DNM3: variants seen among roughly 807,000 people sequenced by gnomAD.
DNM3 encodes dynamin-3.
DNM3 carries 47 observed loss-of-function variants against 101.6 expected under a neutral mutation model. That is an observed-to-expected ratio of 0.46 (90% CI 0.37 to 0.59). The LOEUF is 0.59. Among genes scored for constraint, DNM3 ranks in the 20% least tolerant of loss-of-function variants. The pLI, the probability that DNM3 is intolerant of heterozygous loss-of-function variation, is 0.00. For synonymous variants in DNM3, 385 were observed against 387.9 expected (o/e 0.99, Z 0.09); for missense variants, 849 against 1,085.7 (o/e 0.78, Z 3.06).
intron 17 of DNM3, among the ~76,000 whole-genome samples, chr1:172,361,260 C>T (rs570381297): frequency 7.9e-5 from 12 of 151,950 alleles, no homozygotes; most frequent in South Asian, 2.1e-4. Flanking sequence ...TCTCCTTTCC[C>T]GTTCAACCAT....
At chr1:172,413,525 C>A (rs2071323215), downstream of DNM3, among the ~76,000 whole-genome samples, 1 of 152,138 alleles carries the variant, frequency 6.6e-6, no homozygotes, top group African/African-American at 2.4e-5. Flanking sequence ...CCGCACCCGG[C>A]CCAGTTTCCC....
intron 10 of DNM3, among the ~76,000 whole-genome samples, chr1:172,064,839 G>A (rs1010696675): frequency 6.6e-6 from 1 of 152,080 alleles, no homozygotes; most frequent in African/African-American, 2.4e-5. Flanking sequence ...TCTCTTCAAG[G>A]TTTTTCCTCC....
At chr1:172,164,696 G>A (rs1319991785) in intron 14 of DNM3, among the ~76,000 whole-genome samples, 1 of 152,000 alleles carries the variant, frequency 6.6e-6, no homozygotes, top group Non-Finnish European at 1.5e-5. Context: ...AAACCAGAGG[G>A]ACAGCTATGC....
At position 172,008,851 on chromosome 1, in the gene DNM3, T is replaced by A. The variant is rs1383647437; in HGVS notation, c.589+19703T>A. Among the ~76,000 whole-genome samples, 4 of 139,128 alleles carry A rather than the reference T, an allele frequency of 2.9e-5. No homozygotes were observed. In the Admixed American group the frequency reaches 3.1e-4, roughly 11 times the overall value. The allele number at this position is 139,128 out of a possible 152,430, so 91.3% of individuals were successfully genotyped here. A position where few individuals can be genotyped will look rare whatever the true frequency, so the allele number is the denominator to read the frequency against. ...TTATATAATATATATTAATATATTA[T>A]ATTATATTACTATATAAATAATATT... On this transcript the variant is annotated intron_variant, in intron 4 of 20. Coordinates refer to ENST00000627582, the MANE Select transcript of DNM3 (RefSeq NM_015569.5).
At chr1:171,946,895 T>C (rs1394121842) in intron 2 of DNM3, among the ~76,000 whole-genome samples, 1 of 152,196 alleles carries the variant, frequency 6.6e-6, no homozygotes, top group Non-Finnish European at 1.5e-5. Flanking sequence ...TGGGAACTGA[T>C]ACAGCGAGAA....
At chr1:172,285,573 G>C (rs1056418516) in intron 15 of DNM3, among the ~76,000 whole-genome samples, 7 of 152,142 alleles carry the variant, frequency 4.6e-5, no homozygotes, top group African/African-American at 1.7e-4. Context: ...GCCTCAGACA[G>C]AGCAGTAGTA....
chr1:172,198,011 T>G (rs1572918792), intron 14 of DNM3, among the ~76,000 whole-genome samples: 1 of 152,146 alleles, frequency 6.6e-6, no homozygotes, highest in East Asian at 1.9e-4. Flanking sequence ...TGCTTCCAAC[T>G]TTTTCCCATT....
rs572890850 is a variant in DNM3 at position 172,081,430 on chromosome 1, A to T, written c.1423-402A>T. On this transcript the variant is annotated intron_variant, in intron 11 of 20. Transcript: ENST00000627582. ...TGAATTACTAATTTGTGGCTAATATATGATGTCTACAGGAACAGTAAGCTC... is the reference window on the plus strand; with the variant it reads ...TGAATTACTAATTTGTGGCTAATATTTGATGTCTACAGGAACAGTAAGCTC... 5.3e-5 allele frequency among the ~76,000 whole-genome samples: 8 copies of T among 152,340 alleles called. No individual in the cohort carries two copies. In the South Asian group the frequency reaches 1.7e-3, roughly 32 times the overall value.
intron 2 of DNM3, among the ~76,000 whole-genome samples, chr1:171,971,833 A>G (rs551314113): frequency 2.9e-4 from 44 of 152,326 alleles, no homozygotes; most frequent in Non-Finnish European, 1.9e-4. Context: ...TCCAGACAGC[A>G]ACAACATACT....
chr1:172,218,268 A>G (rs1414631849), intron 14 of DNM3, among the ~76,000 whole-genome samples: 1 of 152,174 alleles, frequency 6.6e-6, no homozygotes, highest in East Asian at 1.9e-4. Context: ...CTGTAGCCCA[A>G]TGAGAATTAA....
At chr1:171,852,164 A>G (rs757728212) in intron 1 of DNM3, among the ~76,000 whole-genome samples, 1 of 152,232 alleles carries the variant, frequency 6.6e-6, no homozygotes, top group Non-Finnish European at 1.5e-5. Context: ...ATTCCAAAAT[A>G]CATTATATTT....
intron 14 of DNM3, among the ~76,000 whole-genome samples, chr1:172,242,838 A>T (rs1307526580): frequency 6.6e-6 from 1 of 152,160 alleles, no homozygotes; most frequent in African/African-American, 2.4e-5. Flanking sequence ...GTCTCCAAGG[A>T]CAAGAAGCCA....
At chr1:171,910,730 G>A (rs1007069877) in intron 1 of DNM3, among the ~76,000 whole-genome samples, 21 of 152,184 alleles carry the variant, frequency 1.4e-4, no homozygotes, top group Middle Eastern at 3.2e-3. Flanking sequence ...GATAATAGCA[G>A]CTAATATATT....
chr1:172,334,954 A>T (rs1489245301), intron 17 of DNM3, among the ~76,000 whole-genome samples: 1 of 152,212 alleles, frequency 6.6e-6, no homozygotes. Flanking sequence ...AACAGAAAAA[A>T]GTAAAATATT....
chr1:172,349,694 C>G (rs1254941877), intron 17 of DNM3, among the ~76,000 whole-genome samples: 1 of 152,074 alleles, frequency 6.6e-6, no homozygotes, highest in Non-Finnish European at 1.5e-5. Context: ...ACTTCATCCC[C>G]TGAGTTGAAT....
intron 14 of DNM3, among the ~76,000 whole-genome samples, chr1:172,152,006 T>C (rs529989242): frequency 6.6e-6 from 1 of 152,192 alleles, no homozygotes; most frequent in South Asian, 2.1e-4. Flanking sequence ...GCCTCCCAAG[T>C]AGCTGGGACC....
At chr1:172,261,556 T>C (rs1437150001) in intron 15 of DNM3, among the ~76,000 whole-genome samples, 1 of 152,238 alleles carries the variant, frequency 6.6e-6, no homozygotes, top group Non-Finnish European at 1.5e-5. Context: ...CCAATTCTTG[T>C]GCCTCCAGGT....
At chr1:172,369,035 C>T (rs1455817671) in intron 17 of DNM3, among the ~76,000 whole-genome samples, 1 of 151,884 alleles carries the variant, frequency 6.6e-6, no homozygotes, top group African/African-American at 2.4e-5. Context: ...GGCTTTGCTG[C>T]TGAATTCTAC....
intron 16 of DNM3, among the ~76,000 whole-genome samples, chr1:172,317,843 T>G (rs2065469516): frequency 6.6e-6 from 1 of 152,210 alleles, no homozygotes; most frequent in Non-Finnish European, 1.5e-5. Context: ...CTTCTGAAAC[T>G]ATTCCAATCA....
Sources: allele counts gnomAD v4.1 joint callset (sites outside exome capture counted in the v4.1 genomes callset), GRCh38; gene constraint gnomAD v4.1.1; transcripts MANE v1.5; gene names NCBI Gene and HGNC (gene_info 2026-07-23, HGNC 2026-07-21).